The following SUV39H2 variants were observed in gnomAD, a reference collection of about 807,000 sequenced individuals.
SUV39H2 encodes the protein SUV39H2 histone lysine methyltransferase, also known as histone-lysine N-methyltransferase SUV39H2.
A neutral mutation model predicts 47.5 loss-of-function variants in SUV39H2; 10 were observed. That is an observed-to-expected ratio of 0.21 (90% CI 0.13 to 0.36). The LOEUF is 0.36. SUV39H2 is among the 10% of genes least tolerant of loss of function. The pLI, the probability that SUV39H2 is intolerant of heterozygous loss-of-function variation, is 1.00. For synonymous variants in SUV39H2, 159 were observed against 166.8 expected, an observed-to-expected ratio of 0.95 and a Z score of 0.36; for missense variants, 266 against 487.4, an observed-to-expected ratio of 0.55 and a Z score of 4.28.
Position 14,885,453 on chromosome 10 carries a change from T to C in SUV39H2, c.177+3808T>C, listed in dbSNP as rs1407732290. Among the ~76,000 whole-genome samples the C allele has an allele frequency of 5.3e-5, 8 of 152,258 alleles. No homozygotes were observed. In the South Asian group the frequency reaches 1.0e-3, roughly 20 times the overall value. The stretch of plus-strand genomic sequence containing the variant: ...CTCTCTGTCCTTTCCTGTTCATTCC[T>C]GCTGTGCTTTCACAGAGAGAATTAG... On this transcript the variant is annotated intron_variant, in intron 2 of 5. Transcript: ENST00000354919.
At chr10:14,882,623 A>G (rs575465017) in intron 2 of SUV39H2, among the ~76,000 whole-genome samples, 77 of 152,300 alleles carry the variant, frequency 5.1e-4, no homozygotes, top group African/African-American at 1.8e-3. Flanking sequence ...CTACCTGACA[A>G]GCTTTTTATC....
rs1445089250 is a variant in SUV39H2 at position 14,903,965 on chromosome 10, A to T, written c.*1453A>T. The T allele has an allele frequency of 6.6e-6, 1 of 152,188 alleles. No individual in the cohort carries two copies. Among genetic ancestry groups the T allele is most frequent in the Non-Finnish European group, 1.5e-5 (1 of 68,042 alleles). 9.4% of individuals were successfully genotyped at this position (152,188 alleles called of 1,614,324 possible). ...CACTCTTTCATAATATATAGGATAA[A>T]TTGTTTACATGATTGGACCCTCAGA... is the stretch of plus-strand genomic sequence containing the variant. On this transcript the variant is annotated 3_prime_UTR_variant, in exon 6 of 6. Transcript: ENST00000354919.
chr10:14,884,999 C>T (rs1248031371), intron 2 of SUV39H2, among the ~76,000 whole-genome samples: 4 of 152,150 alleles, frequency 2.6e-5, no homozygotes, highest in Admixed American at 6.5e-5. Flanking sequence ...TACCTCTATT[C>T]CTACTTCTTT....
Position 14,902,458 on chromosome 10 carries a change from G to A in SUV39H2, c.1179G>A (p.Arg393=), listed in dbSNP as rs1316111874. ...DSIDHSPAKK[R]VRTVCKCGAV... is the part of the protein sequence containing the mutation. ...TTGACCACAGCCCAGCCAAAAAGAG[G>A]GTCAGAACAGTATGTAAATGTGGAG... Residue 393 remains arginine (R), a synonymous_variant, in exon 6 of 6, where the codon AGG becomes AGA. Transcript: ENST00000354919. The A allele has an allele frequency of 6.2e-7, 1 of 1,609,512 alleles. No individual in the cohort carries two copies. The highest frequency in any genetic ancestry group is 2.2e-5 in the East Asian group (1 of 44,736).
intron 2 of SUV39H2, among the ~76,000 whole-genome samples, chr10:14,884,187 T>C (rs185760710): frequency 6.6e-6 from 1 of 152,338 alleles, no homozygotes; most frequent in Admixed American, 6.5e-5. Flanking sequence ...TTCTTGGGTA[T>C]ATAACGAGGA....
intron 2 of SUV39H2, among the ~76,000 whole-genome samples, chr10:14,894,436 C>T (rs1447321245): frequency 1.9e-5 from 1 of 52,190 alleles, no homozygotes; most frequent in African/African-American, 2.2e-4. Context: ...GGCGCGATCT[C>T]GACTCACTGC....
chr10:14,894,335 A>C (rs1373885563), intron 2 of SUV39H2, among the ~76,000 whole-genome samples: 1 of 143,328 alleles, frequency 7.0e-6, no homozygotes, highest in African/African-American at 2.5e-5. Flanking sequence ...ACTTTTGACC[A>C]ATTTTCAAAA....
chr10:14,890,076 C>T (rs560759272), intron 2 of SUV39H2, among the ~76,000 whole-genome samples: 4 of 152,200 alleles, frequency 2.6e-5, no homozygotes, highest in South Asian at 2.1e-4. Context: ...CTCTATATGG[C>T]GTGGCACAAA....
intron 2 of SUV39H2, among the ~76,000 whole-genome samples, chr10:14,885,970 A>G (rs1833195274): frequency 6.6e-6 from 1 of 152,178 alleles, no homozygotes; most frequent in Non-Finnish European, 1.5e-5. Flanking sequence ...CTCATCTGAG[A>G]CATGTTAGCA....
chr10:14,882,155 G>A lies in SUV39H2; in HGVS notation c.177+510G>A, dbSNP rs575454612. 1.3e-4 allele frequency among the ~76,000 whole-genome samples: 20 copies of A among 152,272 alleles called. No homozygotes were observed. The South Asian group carries it at 3.1e-3, about 24-fold the overall frequency. ...AGTACCTTAGGACTTAAGCAAACTC[G>A]TTTCACTTCTCTAAGCCTTCCTTTA... is the stretch of plus-strand genomic sequence containing the variant. On this transcript the variant is annotated intron_variant, in intron 2 of 5. Coordinates refer to ENST00000354919, the MANE Select transcript of SUV39H2 (RefSeq NM_001193424.2).
intron 2 of SUV39H2, among the ~76,000 whole-genome samples, chr10:14,883,307 TTCTG>T (rs1173494907): frequency 6.6e-6 from 1 of 152,224 alleles, no homozygotes; most frequent in Admixed American, 6.5e-5. Flanking sequence ...TGCAAGTGTT[TTCTG>T]TCTTTTTCTA....
At position 14,902,682 on chromosome 10, in the gene SUV39H2, A is replaced by G; in HGVS notation, c.*170A>G. 1 of 510,086 alleles carries G rather than the reference A, an allele frequency of 2.0e-6. No homozygotes were observed. The allele number at this position is 510,086 out of a possible 1,614,324, so 31.6% of individuals were successfully genotyped here. A position where few individuals can be genotyped will look rare whatever the true frequency, so the allele number is the denominator to read the frequency against. On this transcript the variant is annotated 3_prime_UTR_variant, in exon 6 of 6. Coordinates refer to ENST00000354919, the MANE Select transcript of SUV39H2 (RefSeq NM_001193424.2). The stretch of plus-strand genomic sequence containing the variant: ...TACCGATGCCTCTGAAAAGGGGGTC[A>G]CTGGGTCTCATAGACTGATATGAAG...
At chr10:14,892,011 A>G (rs1190249920) in intron 2 of SUV39H2, among the ~76,000 whole-genome samples, 1 of 152,208 alleles carries the variant, frequency 6.6e-6, no homozygotes, top group Non-Finnish European at 1.5e-5. Flanking sequence ...CTTTCATCAC[A>G]TTCTCCAAAG....
chr10:14,879,153 C>G, intron 1 of SUV39H2: 1 of 1,216,650 alleles, frequency 8.2e-7, no homozygotes. Flanking sequence ...GCCTGGGGCA[C>G]TTCGGAAGTG....
intron 2 of SUV39H2, among the ~76,000 whole-genome samples, chr10:14,888,398 G>A (rs1434461652): frequency 1.3e-5 from 2 of 152,030 alleles, no homozygotes; most frequent in Non-Finnish European, 2.9e-5. Context: ...CACTTTGGGA[G>A]GCCGAGGCGG....
At chr10:14,885,349 C>T (rs1833173391) in intron 2 of SUV39H2, among the ~76,000 whole-genome samples, 1 of 152,218 alleles carries the variant, frequency 6.6e-6, no homozygotes, top group Non-Finnish European at 1.5e-5. Context: ...TACCTAACCT[C>T]ATGATTGCAT....
At chr10:14,879,447 C>A (rs554739384) in intron 1 of SUV39H2, among the ~76,000 whole-genome samples, 19 of 152,326 alleles carry the variant, frequency 1.2e-4, no homozygotes, top group Non-Finnish European at 2.2e-4. Flanking sequence ...AGGAATCCCC[C>A]CCAAGGCGGA....
chr10:14,889,043 C>T (rs1195277673), intron 2 of SUV39H2, among the ~76,000 whole-genome samples: 2 of 151,204 alleles, frequency 1.3e-5, no homozygotes, highest in Non-Finnish European at 2.9e-5. Context: ...GCAGAGGTTG[C>T]AGTGAGCTGA....
Position 14,878,876 on chromosome 10 carries a change from A to G in SUV39H2, c.-13A>G. 1 of 1,488,668 alleles carries G rather than the reference A, an allele frequency of 6.7e-7. No individual in the cohort carries two copies. Among genetic ancestry groups the G allele is most frequent in the Non-Finnish European group, 8.9e-7 (1 of 1,118,752 alleles). The allele number at this position is 1,488,668 out of a possible 1,614,324, so 92.2% of individuals were successfully genotyped here. ...CCGTCAGACCGCGCCAGTTTGAATG[A>G]AAGCTCTACAAGATGGCGGCGGTCG... On this transcript the variant is annotated 5_prime_UTR_variant, in exon 1 of 6. Transcript: ENST00000354919.
Sources: allele counts gnomAD v4.1 joint callset (sites outside exome capture counted in the v4.1 genomes callset), GRCh38; gene constraint gnomAD v4.1.1; transcripts MANE v1.5; gene names NCBI Gene and HGNC (gene_info 2026-07-23, HGNC 2026-07-21).